ERAP1: variants seen among roughly 807,000 people sequenced by gnomAD.
ERAP1 encodes adipocyte-derived leucine aminopeptidase.
ERAP1 carries 86 observed loss-of-function variants against 103.7 expected under a neutral mutation model. The observed-to-expected ratio is 0.83, with a 90% confidence interval of 0.70 to 0.99. The LOEUF is 0.99. Ranked by LOEUF, ERAP1 falls within the 50% of genes least tolerant of loss-of-function variation. ERAP1 has a pLI of 0.00. For synonymous variants in ERAP1, 398 were observed against 402.4 expected, an observed-to-expected ratio of 0.99 and a Z score of 0.13; for missense variants, 1,009 against 1,128.4, an observed-to-expected ratio of 0.89 and a Z score of 1.52.
the ERAP1 span, among the ~76,000 whole-genome samples, chr5:96,921,865 T>C: frequency 6.6e-6 from 1 of 152,258 alleles, no homozygotes; most frequent in Non-Finnish European, 1.5e-5. Flanking sequence ...ACCTGGTATG[T>C]CCCTTTAGTC....
At chr5:96,768,032 ATGTG>A (rs747287648) in intron 19 of ERAP1, 6 of 1,343,702 alleles carry the variant, frequency 4.5e-6, no homozygotes, top group Non-Finnish European at 6.4e-6. Context: ...ACTCTTTGAA[ATGTG>A]TGTGTGTGTA....
chr5:96,801,649 CG>C (rs943777364), intron 2 of ERAP1, among the ~76,000 whole-genome samples: 1 of 151,042 alleles, frequency 6.6e-6, no homozygotes, highest in Non-Finnish European at 1.5e-5. Flanking sequence ...GACAGGAGTT[CG>C]AGACCACCCT....
chr5:96,889,186 T>A, the ERAP1 span: 7 of 1,614,048 alleles, frequency 4.3e-6, no homozygotes, highest in Non-Finnish European at 5.9e-6. Context: ...ATTTCCCAGG[T>A]GTCCATCTAT....
At chr5:96,846,687 C>A in the ERAP1 span, among the ~76,000 whole-genome samples, 1 of 152,098 alleles carries the variant, frequency 6.6e-6, no homozygotes, top group African/African-American at 2.4e-5. Context: ...AAGTCCTGAA[C>A]AACAATTTTA....
the ERAP1 span, chr5:96,886,625 A>G: frequency 5.4e-6 from 8 of 1,468,292 alleles, no homozygotes; most frequent in Non-Finnish European, 7.3e-6. Flanking sequence ...CCAGTTTTCA[A>G]GTACTGATTA....
the ERAP1 span, among the ~76,000 whole-genome samples, chr5:96,861,549 T>C: frequency 1.3e-5 from 2 of 152,234 alleles, no homozygotes; most frequent in Non-Finnish European, 2.9e-5. Context: ...TAATCAGAAT[T>C]GGCAATGTTT....
At chr5:96,875,713 G>A in the ERAP1 span, among the ~76,000 whole-genome samples, 3 of 152,124 alleles carry the variant, frequency 2.0e-5, no homozygotes, top group South Asian at 2.1e-4. Context: ...AGTTGTCAGG[G>A]TTCTGGTTCA....
In ERAP1 at chr5:96,783,662, G is replaced by A. The variant is rs557614157; in HGVS notation, c.2100+262C>T. Reference sequence around the variant, plus strand: ...AATAGGAAAGGAAAATGAAATAAAAGGTTTGTGAAAGGAAGGAAATAACAA... The same window carrying A: ...AATAGGAAAGGAAAATGAAATAAAAAGTTTGTGAAAGGAAGGAAATAACAA... On this transcript the variant is annotated intron_variant, in intron 14 of 18. Transcript: ENST00000443439. 3.3e-5 allele frequency among the ~76,000 whole-genome samples: 5 copies of A among 152,222 alleles called. No homozygotes were observed. The East Asian group carries it at 9.6e-4, about 29-fold the overall frequency.
chr5:96,767,321 A>G, intron 19 of ERAP1: 1 of 743,298 alleles, frequency 1.3e-6, no homozygotes, highest in Non-Finnish European at 2.3e-6. Flanking sequence ...AGTTATTGCA[A>G]GTCTACACTC....
At chr5:96,924,247 T>G in the ERAP1 span, among the ~76,000 whole-genome samples, 7 of 152,360 alleles carry the variant, frequency 4.6e-5, no homozygotes, top group Admixed American at 2.0e-4. Context: ...CTGTTTTGTT[T>G]TGAGGTCTCT....
At chr5:96,793,595 A>G (rs1776977925) in intron 6 of ERAP1, 82 bp from the exon 7 acceptor site, 1 of 1,202,594 alleles carries the variant, frequency 8.3e-7, no homozygotes, top group Non-Finnish European at 1.2e-6. Flanking sequence ...TATGAATGTT[A>G]ACATATATTT....
At chr5:96,853,154 C>G in the ERAP1 span, among the ~76,000 whole-genome samples, 1 of 152,114 alleles carries the variant, frequency 6.6e-6, no homozygotes, top group Non-Finnish European at 1.5e-5. Context: ...CATAAGGGAT[C>G]AAGGCCAGAG....
the ERAP1 span, among the ~76,000 whole-genome samples, chr5:96,898,457 A>C: frequency 2.0e-5 from 3 of 151,746 alleles, no homozygotes; most frequent in Non-Finnish European, 2.9e-5. Context: ...AAAAATACTT[A>C]TAGGCCTGGT....
At chr5:96,795,731 G>A (rs1194347503) in intron 4 of ERAP1, among the ~76,000 whole-genome samples, 1 of 152,190 alleles carries the variant, frequency 6.6e-6, no homozygotes, top group Non-Finnish European at 1.5e-5. Context: ...AGTACTCCCA[G>A]ACACTCTGTA....
At chr5:96,918,392 G>A in the ERAP1 span, 1 of 152,138 alleles carries the variant, frequency 6.6e-6, no homozygotes, top group Non-Finnish European at 1.5e-5. Context: ...GCAAGGATCA[G>A]GAAACCAGAG....
the ERAP1 span, among the ~76,000 whole-genome samples, chr5:96,852,550 A>T: frequency 6.6e-6 from 1 of 152,234 alleles, no homozygotes; most frequent in Non-Finnish European, 1.5e-5. Context: ...TTTTCTAGTT[A>T]AAATTTAAGG....
At chr5:96,791,887 G>A (rs922637636) in intron 8 of ERAP1, among the ~76,000 whole-genome samples, 174 bp downstream of exon 8, 1 of 152,230 alleles carries the variant, frequency 6.6e-6, no homozygotes, top group Non-Finnish European at 1.5e-5. Flanking sequence ...ATAATCTTTA[G>A]GGTTATGAGC....
chr5:96,760,944 A>T (rs1767735054), exon 20 of ERAP1: 1 of 152,090 alleles, frequency 6.6e-6, no homozygotes, highest in African/African-American at 2.4e-5. Flanking sequence ...CAGTACTTTT[A>T]GGTAAGATTA....
At chr5:96,922,858 G>A in the ERAP1 span, among the ~76,000 whole-genome samples, 2 of 152,216 alleles carry the variant, frequency 1.3e-5, no homozygotes, top group African/African-American at 4.8e-5. Flanking sequence ...TAATCAAAGC[G>A]CATAACTTAT....
Sources: gnomAD v4.1 joint callset for allele counts (sites outside exome capture counted in the v4.1 genomes callset) on GRCh38, gnomAD v4.1.1 for gene constraint, MANE v1.5 for transcripts, NCBI Gene and HGNC (gene_info 2026-07-23, HGNC 2026-07-21) for gene names.